Variants in ASPG observed in about 807,000 individuals in gnomAD.
ASPG encodes asparaginase, also known as 60 kDa lysophospholipase.
Under a neutral mutation model 63.2 loss-of-function variants are expected in ASPG, and 53 were observed. The observed-to-expected ratio is 0.84, with a 90% confidence interval of 0.67 to 1.05. The LOEUF (loss-of-function observed/expected upper bound fraction) is 1.05. Ranked by LOEUF, ASPG falls within the 50% of genes least tolerant of loss-of-function variation. ASPG has a pLI of 0.00. For missense variants in ASPG, 741 were observed against 794.4 expected, an observed-to-expected ratio of 0.93 and a Z score of 0.81; for synonymous variants, 370 against 355.0, an observed-to-expected ratio of 1.04 and a Z score of -0.48.
intron 1 of ASPG, among the ~76,000 whole-genome samples, chr14:104,088,747 T>C (rs2036287228): frequency 6.6e-6 from 1 of 152,128 alleles, no homozygotes. Context: ...GTTCACAAGT[T>C]TCTAAGCCTA....
At chr14:104,095,408 G>C in intron 3 of ASPG, 123 bp from the exon 4 acceptor site, 1 of 1,376,342 alleles carries the variant, frequency 7.3e-7, no homozygotes, top group African/African-American at 1.4e-5. Flanking sequence ...TTCCAGGCCA[G>C]GGTCCCACGG....
At chr14:104,090,351 T>A (rs1382463140) in intron 1 of ASPG, among the ~76,000 whole-genome samples, 1 of 152,178 alleles carries the variant, frequency 6.6e-6, no homozygotes, top group Non-Finnish European at 1.5e-5. Context: ...AAACCAGATA[T>A]GCCCCCTCCA....
rs2037329833 is a variant in ASPG, at chr14:104,110,236, T to G, written c.1520+921T>G. The G allele has an allele frequency of 2.1e-6, 2 of 966,282 alleles. No individual in the cohort carries two copies. The highest frequency in any genetic ancestry group is 6.9e-5 in the Admixed American group (1 of 14,590). The allele number at this position is 966,282 out of a possible 1,614,324, so 59.9% of individuals were successfully genotyped here. A position where few individuals can be genotyped will look rare whatever the true frequency, so the allele number is the denominator to read the frequency against. On this transcript the variant is annotated intron_variant, in intron 13 of 15. Coordinates refer to ENST00000551177, the MANE Select transcript of ASPG (RefSeq NM_001080464.3). This position sits in a 1 kb window ranked among gnomAD's most constrained non-coding sequence, Gnocchi z 4.7. Reference sequence around the variant, plus strand: ...AGTCCAGAGTCCCAGGCTTGGGGAGTGGGTGATGGCGGGGGCTCGGCTCAC... The same window carrying G: ...AGTCCAGAGTCCCAGGCTTGGGGAGGGGGTGATGGCGGGGGCTCGGCTCAC...
At position 104,107,306 on chromosome 14, in the gene ASPG, C is replaced by T. The variant is rs746641312; in HGVS notation, c.1394C>T (p.Thr465Met). The change falls in exon 12 of 16, where the codon ACG (threonine) becomes ATG (methionine). Residue 465 changes from threonine to methionine, a missense_variant. Thr to Met is a moderately conservative substitution (Grantham distance 81, BLOSUM62 -1). Transcript: ENST00000551177. Reference protein sequence around the residue: ...QRGVDVNTRDTDGFSPLLLAV... With the variant: ...QRGVDVNTRDMDGFSPLLLAV... ...GGTGTGGACGTGAACACCCGGGACACGGATGGCTTCAGCCCGCTGCTGCTG... is the reference window on the plus strand; with the variant it reads ...GGTGTGGACGTGAACACCCGGGACATGGATGGCTTCAGCCCGCTGCTGCTG... 16 of 1,602,354 alleles carry T rather than the reference C, an allele frequency of 1.0e-5. No individual in the cohort carries two copies. The highest frequency in any genetic ancestry group is 9.0e-5 in the East Asian group (4 of 44,656).
At chr14:104,089,808 T>C (rs1365588629) in intron 1 of ASPG, among the ~76,000 whole-genome samples, 1 of 151,036 alleles carries the variant, frequency 6.6e-6, no homozygotes, top group African/African-American at 2.4e-5. Flanking sequence ...ATTAGCTAGG[T>C]GTGGTGGTGC....
rs112358626 is a variant in ASPG at position 104,111,458 on chromosome 14, T to C, written c.1521-44T>C. On this transcript the variant is annotated intron_variant, in intron 13 of 15. Coordinates refer to ENST00000551177, the MANE Select transcript of ASPG (RefSeq NM_001080464.3). ...ACAGGCACGTGGGCAGATGGACAGG[T>C]GCCCAGCAGGCCCCAACAACTCCTC... 1.9e-5 allele frequency: 28 copies of C among 1,477,854 alleles called. 1 individual carries two copies. The highest frequency in any genetic ancestry group is 1.8e-4 in the African/African-American group (13 of 71,572). The allele number at this position is 1,477,854 out of a possible 1,614,324, so 91.5% of individuals were successfully genotyped here.
chr14:104,103,316 C>T (rs1040383523), intron 6 of ASPG, among the ~76,000 whole-genome samples: 2 of 152,270 alleles, frequency 1.3e-5, no homozygotes, highest in African/African-American at 2.4e-5. Flanking sequence ...ATCGGTCTCT[C>T]GCTGGCCAAC....
chr14:104,098,981 T>C lies in ASPG; in HGVS notation c.640+2T>C, dbSNP rs753152424. 2.0e-5 allele frequency: 31 copies of C among 1,585,996 alleles called. No homozygotes were observed. The highest frequency in any genetic ancestry group is 2.7e-5 in the Non-Finnish European group (31 of 1,165,858). On this transcript the variant is annotated splice_donor_variant, in intron 6 of 15. Transcript: ENST00000551177. LOFTEE classifies it high-confidence loss of function. ...CCACAGTGGGTGCTGACATCACAAG[T>C]AAGCCCCGCAGGAGCAGGGCCAGGT... is the stretch of plus-strand genomic sequence containing the variant.
At chr14:104,105,973 AG>A (rs886672585) in intron 10 of ASPG, among the ~76,000 whole-genome samples, 11 of 152,234 alleles carry the variant, frequency 7.2e-5, no homozygotes, top group African/African-American at 2.7e-4. Flanking sequence ...CCAAACATCC[AG>A]GCCTGACATG....
intron 6 of ASPG, among the ~76,000 whole-genome samples, chr14:104,102,732 G>A (rs2036933285): frequency 6.6e-6 from 1 of 152,192 alleles, no homozygotes; most frequent in South Asian, 2.1e-4. Flanking sequence ...CCCACATGGA[G>A]CGGGAAAGTC....
At chr14:104,085,935 C>A (rs2036209968) in intron 1 of ASPG, 83 bp downstream of exon 1, 2 of 1,322,176 alleles carry the variant, frequency 1.5e-6, no homozygotes, top group South Asian at 1.4e-5. Context: ...CCACGGGGGT[C>A]GTTGGGGAGT....
intron 1 of ASPG, 65 bp from the exon 2 acceptor site, chr14:104,092,568 T>G: frequency 1.5e-6 from 2 of 1,341,562 alleles, no homozygotes; most frequent in Non-Finnish European, 2.1e-6. Context: ...TGCCCCTCAG[T>G]GAGGGAGGAG....
Position 104,112,684 on chromosome 14 carries a change from G to A in ASPG, c.*140G>A, listed in dbSNP as rs1392462561. The stretch of plus-strand genomic sequence containing the variant: ...CTGAAGGCCTTTGTTGGGCAGGACG[G>A]CAATAAAGTCTCTGACATCCCCTCA... On this transcript the variant is annotated 3_prime_UTR_variant, in exon 16 of 16. Coordinates refer to ENST00000551177, the MANE Select transcript of ASPG (RefSeq NM_001080464.3). The A allele has an allele frequency of 9.8e-6, 15 of 1,525,888 alleles. No individual in the cohort carries two copies. The highest frequency in any genetic ancestry group is 1.3e-5 in the Non-Finnish European group (15 of 1,138,544). The allele number at this position is 1,525,888 out of a possible 1,614,324, so 94.5% of individuals were successfully genotyped here.
chr14:104,099,870 T>C (rs1179699327), intron 6 of ASPG, among the ~76,000 whole-genome samples: 2 of 152,146 alleles, frequency 1.3e-5, no homozygotes, highest in African/African-American at 4.8e-5. Flanking sequence ...TGGCCTTCCT[T>C]TGGGGGCATT....
At chr14:104,088,653 G>A (rs1596060327) in intron 1 of ASPG, among the ~76,000 whole-genome samples, 1 of 152,216 alleles carries the variant, frequency 6.6e-6, no homozygotes, top group Non-Finnish European at 1.5e-5. Flanking sequence ...GAGAGTGTCA[G>A]TGGAGTGATG....
At position 104,112,725 on chromosome 14, in the gene ASPG, C is replaced by A; in HGVS notation, c.*181C>A. On this transcript the variant is annotated 3_prime_UTR_variant, in exon 16 of 16. Coordinates refer to ENST00000551177, the MANE Select transcript of ASPG (RefSeq NM_001080464.3). Reference sequence around the variant, plus strand: ...CATCCCCTCACCAGGTCTGTACAGCCTGGCTCTGAGAGGCTCTGTCTGGGT... The same window carrying A: ...CATCCCCTCACCAGGTCTGTACAGCATGGCTCTGAGAGGCTCTGTCTGGGT... 7.1e-7 allele frequency: 1 copy of A among 1,410,404 alleles called. No homozygotes were observed. The highest frequency in any genetic ancestry group is 1.3e-5 in the South Asian group (1 of 75,628). 87.4% of individuals were successfully genotyped at this position (1,410,404 alleles called of 1,614,324 possible). A position where few individuals can be genotyped will look rare whatever the true frequency, so the allele number is the denominator to read the frequency against.
In ASPG at chr14:104,106,756, CA is replaced by C. The variant is rs752148921; in HGVS notation, c.1174-40del. 1.1e-5 allele frequency: 17 copies of C among 1,523,114 alleles called. No homozygotes were observed. In the African/African-American group the frequency reaches 2.3e-4, roughly 21 times the overall value. The allele number at this position is 1,523,114 out of a possible 1,614,324, so 94.3% of individuals were successfully genotyped here. A position where few individuals can be genotyped will look rare whatever the true frequency, so the allele number is the denominator to read the frequency against. ...GGGGACTGCCAGTTCCACCAGATGC[CA>C]AAGGGAGGCGTGGGTCCCAGGGTGC... On this transcript the variant is annotated intron_variant, in intron 10 of 15. Coordinates refer to ENST00000551177, the MANE Select transcript of ASPG (RefSeq NM_001080464.3).
intron 4 of ASPG, 21 bp downstream of exon 4, chr14:104,095,677 C>T (rs1279626787): frequency 1.9e-6 from 3 of 1,611,612 alleles, no homozygotes; most frequent in African/African-American, 1.3e-5. Context: ...GGGCCCGGGG[C>T]TCCTAGGAAC....
At chr14:104,090,607 C>T (rs1282961565) in intron 1 of ASPG, among the ~76,000 whole-genome samples, 1 of 152,246 alleles carries the variant, frequency 6.6e-6, no homozygotes, top group Admixed American at 6.5e-5. Flanking sequence ...CAATCCTTGG[C>T]TTGTGGCCGC....
Sources: allele counts gnomAD v4.1 joint callset (sites outside exome capture counted in the v4.1 genomes callset), GRCh38; gene constraint gnomAD v4.1.1; non-coding constraint Gnocchi (gnomAD v3.1); transcripts MANE v1.5; gene names NCBI Gene and HGNC (gene_info 2026-07-23, HGNC 2026-07-21).